ROR2: variants seen among roughly 807,000 people sequenced by gnomAD.
The protein encoded by ROR2 is tyrosine-protein kinase transmembrane receptor ROR2.
In ROR2, 33 loss-of-function variants were observed where a neutral mutation model predicts 74.9. The ratio of observed to expected loss-of-function variants is 0.44; its 90% CI spans 0.33 to 0.59. The LOEUF (loss-of-function observed/expected upper bound fraction) is 0.59. ROR2 is among the 20% of genes least tolerant of loss of function. The pLI is 0.02. For missense variants in ROR2, 1,216 were observed against 1,313.8 expected (o/e 0.93, Z 1.15); for synonymous variants, 586 against 558.7 (o/e 1.05, Z -0.69).
chr9:91,830,598 C>A (rs1438447729), intron 1 of ROR2, among the ~76,000 whole-genome samples: 1 of 152,178 alleles, frequency 6.6e-6, no homozygotes, highest in African/African-American at 2.4e-5. Flanking sequence ...TAGACTGGAG[C>A]CCACCAGCCT....
In ROR2 at chr9:91,731,066, G is replaced by A; in HGVS notation, c.1027C>T (p.Gln343Ter). 7 of 1,614,106 alleles carry A rather than the reference G, an allele frequency of 4.3e-6. No homozygotes were observed. Among genetic ancestry groups the A allele is most frequent in the East Asian group, 2.2e-5 (1 of 44,876 alleles). ...SGHQCQPWAL[Q>*]HPHSHHLSST... ...GACAGGTGGTGGCTGTGGGGGTGCT[G>A]CAGGGCCCACGGCTGGCACTGGTGG... Residue 343 changes from glutamine to a stop codon, truncating the protein, a stop_gained, in exon 7 of 9, where the codon CAG becomes TAG. Coordinates refer to ENST00000375708, the MANE Select transcript of ROR2 (RefSeq NM_004560.4). LOFTEE classifies it high-confidence loss of function.
intron 1 of ROR2, among the ~76,000 whole-genome samples, chr9:91,792,510 G>T (rs7856613): frequency 6.6e-6 from 1 of 151,980 alleles, no homozygotes; most frequent in East Asian, 1.9e-4. Flanking sequence ...GGGTTTCACC[G>T]TGTTAGCCAA....
In ROR2 at chr9:91,760,595, C is replaced by T. The variant is rs375089631; in HGVS notation, c.176-3036G>A. Among the ~76,000 whole-genome samples the T allele has an allele frequency of 2.3e-3, 345 of 150,612 alleles. 1 individual carries two copies. The highest frequency in any genetic ancestry group is 7.9e-3 in the African/African-American group (324 of 40,896). ...CTTGCAGTGAGCCGAGATCGCGCCA[C>T]TGCACTCCGGCCTGGGTGACAGAGC... On this transcript the variant is annotated intron_variant, in intron 2 of 8. Coordinates refer to ENST00000375708, the MANE Select transcript of ROR2 (RefSeq NM_004560.4).
chr9:91,907,032 G>C (rs1163557668), intron 1 of ROR2, among the ~76,000 whole-genome samples: 1 of 152,008 alleles, frequency 6.6e-6, no homozygotes, highest in Non-Finnish European at 1.5e-5. Flanking sequence ...TTGAAACTCT[G>C]TCCCCATTAA....
chr9:91,793,075 T>C (rs1280734599), intron 1 of ROR2, among the ~76,000 whole-genome samples: 3 of 152,164 alleles, frequency 2.0e-5, no homozygotes, highest in Admixed American at 2.0e-4. Flanking sequence ...AGGTCAGTAT[T>C]ACCCTAATAC....
chr9:91,891,610 T>C (rs548982726), intron 1 of ROR2, among the ~76,000 whole-genome samples: 3 of 152,326 alleles, frequency 2.0e-5, no homozygotes, highest in African/African-American at 7.2e-5. Context: ...AAGAATCTTT[T>C]GCAGGTTCAT....
chr9:91,864,636 ACT>A (rs1478510134), intron 1 of ROR2, among the ~76,000 whole-genome samples: 1 of 151,604 alleles, frequency 6.6e-6, no homozygotes, highest in Non-Finnish European at 1.5e-5. Flanking sequence ...ACTCACACCC[ACT>A]CTCTCCTTCC....
intron 4 of ROR2, among the ~76,000 whole-genome samples, chr9:91,753,171 A>C (rs1196699671): frequency 6.6e-6 from 1 of 152,262 alleles, no homozygotes; most frequent in Admixed American, 6.5e-5. Context: ...ACAAGACATA[A>C]CATGAAAAAC....
Position 91,867,282 on chromosome 9 carries a change from A to C in ROR2, c.97+82585T>G, listed in dbSNP as rs531078894. ...GCACAGAAAGCATGGTTCTTTTTTC[A>C]TTTTCTTTCTTTTCTTCATTCTCTT... On this transcript the variant is annotated intron_variant, in intron 1 of 8. Transcript: ENST00000375708. Among the ~76,000 whole-genome samples, 5 of 152,112 alleles carry C rather than the reference A, an allele frequency of 3.3e-5. No individual in the cohort carries two copies. The East Asian group carries it at 9.7e-4, about 29-fold the overall frequency.
chr9:91,758,388 C>A (rs1587691523), intron 2 of ROR2, among the ~76,000 whole-genome samples: 1 of 152,176 alleles, frequency 6.6e-6, no homozygotes, highest in East Asian at 1.9e-4. Flanking sequence ...AGTCCCTCCT[C>A]CTTGCCTACC....
intron 1 of ROR2, among the ~76,000 whole-genome samples, chr9:91,809,943 C>T (rs575093295): frequency 3.3e-5 from 5 of 152,376 alleles, no homozygotes; most frequent in East Asian, 1.9e-4. Flanking sequence ...CTCTCTCACA[C>T]GTCATTTGTG....
intron 1 of ROR2, among the ~76,000 whole-genome samples, chr9:91,847,136 T>C (rs1193274551): frequency 6.6e-6 from 1 of 152,060 alleles, no homozygotes; most frequent in Non-Finnish European, 1.5e-5. Context: ...AAGGTGGGTG[T>C]GGCCCCATCC....
At chr9:91,760,034 T>C (rs1266277203) in intron 2 of ROR2, among the ~76,000 whole-genome samples, 1 of 152,236 alleles carries the variant, frequency 6.6e-6, no homozygotes, top group African/African-American at 2.4e-5. Context: ...CCCAAATTTT[T>C]CTCTAACCTC....
At chr9:91,872,554 C>G (rs1829827609) in intron 1 of ROR2, among the ~76,000 whole-genome samples, 1 of 152,124 alleles carries the variant, frequency 6.6e-6, no homozygotes, top group South Asian at 2.1e-4. Flanking sequence ...CTTCTTTCAC[C>G]CTAGTATTTC....
chr9:91,782,168 T>C (rs1587713683), intron 1 of ROR2, among the ~76,000 whole-genome samples: 1 of 152,232 alleles, frequency 6.6e-6, no homozygotes. Flanking sequence ...CCCCTCCCTG[T>C]GACAGGGAGC....
chr9:91,809,202 C>T (rs1827668053), intron 1 of ROR2, among the ~76,000 whole-genome samples: 1 of 152,300 alleles, frequency 6.6e-6, no homozygotes, highest in Admixed American at 6.5e-5. Flanking sequence ...CATCTCTCCC[C>T]ACCAGGTGTT....
intron 1 of ROR2, among the ~76,000 whole-genome samples, chr9:91,857,086 A>G (rs1405019916): frequency 6.6e-6 from 1 of 152,220 alleles, no homozygotes; most frequent in Non-Finnish European, 1.5e-5. Context: ...ATGCACACTT[A>G]TGTGCAGTGT....
intron 1 of ROR2, among the ~76,000 whole-genome samples, chr9:91,835,935 G>T (rs1166812638): frequency 6.6e-6 from 1 of 152,208 alleles, no homozygotes; most frequent in East Asian, 1.9e-4. Flanking sequence ...CAACGCTTTT[G>T]TGATCGTCAC....
In ROR2 at chr9:91,723,561, G is replaced by T. The variant is rs950947484; in HGVS notation, c.*101C>A. On this transcript the variant is annotated 3_prime_UTR_variant, in exon 9 of 9. Transcript: ENST00000375708. ...TGCAAACAAGCCCACTGGCCGGCGGGCTCTTGTGATTGCTGAGTATGGTGT... is the reference window on the plus strand; with the variant it reads ...TGCAAACAAGCCCACTGGCCGGCGGTCTCTTGTGATTGCTGAGTATGGTGT... 5.5e-5 allele frequency: 83 copies of T among 1,515,182 alleles called. No individual in the cohort carries two copies. Among genetic ancestry groups the T allele is most frequent in the Non-Finnish European group, 6.8e-5 (77 of 1,126,836 alleles). 93.9% of individuals were successfully genotyped at this position (1,515,182 alleles called of 1,614,324 possible).
Sources: gnomAD v4.1 joint callset for allele counts (sites outside exome capture counted in the v4.1 genomes callset) on GRCh38, gnomAD v4.1.1 for gene constraint, MANE v1.5 for transcripts, NCBI Gene and HGNC (gene_info 2026-07-23, HGNC 2026-07-21) for gene names.